GALNT18: variants seen among roughly 807,000 people sequenced by gnomAD.
GALNT18 encodes the protein polypeptide N-acetylgalactosaminyltransferase 18, also known as GalNAc-transferase 18.
A neutral mutation model predicts 69.5 loss-of-function variants in GALNT18; 44 were observed. That is an observed-to-expected ratio of 0.63 (90% CI 0.50 to 0.81). GALNT18 has a LOEUF of 0.81. Among genes scored for constraint, GALNT18 ranks in the 40% least tolerant of loss-of-function variants. GALNT18 has a pLI of 0.00. For synonymous variants in GALNT18, 364 were observed against 318.2 expected, an observed-to-expected ratio of 1.14 and a Z score of -1.53; for missense variants, 715 against 810.0, an observed-to-expected ratio of 0.88 and a Z score of 1.42.
At chr11:11,397,190 C>T (rs1321455431) in intron 3 of GALNT18, among the ~76,000 whole-genome samples, 1 of 152,166 alleles carries the variant, frequency 6.6e-6, no homozygotes, top group African/African-American at 2.4e-5. Context: ...CTATCACCCA[C>T]AAAGAATTGA....
chr11:11,554,475 T>C (rs1179616833), intron 1 of GALNT18, among the ~76,000 whole-genome samples: 2 of 150,796 alleles, frequency 1.3e-5, no homozygotes, highest in South Asian at 2.1e-4. Context: ...AAGTGTTACT[T>C]GAAAAAAAAA....
intron 7 of GALNT18, among the ~76,000 whole-genome samples, chr11:11,335,990 C>T (rs1306789303): frequency 6.6e-6 from 1 of 152,140 alleles, no homozygotes; most frequent in East Asian, 1.9e-4. Flanking sequence ...GTTACCATAG[C>T]CCTAGGAAAC....
chr11:11,342,985 G>A (rs1850237289), intron 6 of GALNT18, among the ~76,000 whole-genome samples: 1 of 152,190 alleles, frequency 6.6e-6, no homozygotes, highest in Non-Finnish European at 1.5e-5. Flanking sequence ...CTGAACAGCA[G>A]AATCTTTAGA....
Position 11,587,051 on chromosome 11 carries a change from T to C in GALNT18, c.235+34308A>G, listed in dbSNP as rs1859245356. 6.6e-6 allele frequency among the ~76,000 whole-genome samples: 1 copy of C among 152,092 alleles called. No homozygotes were observed. The highest frequency in any genetic ancestry group is 2.4e-5 in the African/African-American group (1 of 41,410). ...CCTCCCATTTTAGAAAAAGCTGCTT[T>C]CCCAAGTTACTTGAGAGATGCTTCC... On this transcript the variant is annotated intron_variant, in intron 1 of 10. Coordinates refer to ENST00000227756, the MANE Select transcript of GALNT18 (RefSeq NM_198516.3). This position sits in a 1 kb window ranked among gnomAD's most constrained non-coding sequence, Gnocchi z 4.4.
intron 6 of GALNT18, chr11:11,352,532 G>A (rs1398281183): frequency 6.2e-7 from 1 of 1,614,096 alleles, no homozygotes; most frequent in South Asian, 1.1e-5. Context: ...GACCTTTGAA[G>A]TATCGGGAAG....
chr11:11,448,275 G>C (rs1160094538), intron 2 of GALNT18, among the ~76,000 whole-genome samples: 5 of 152,180 alleles, frequency 3.3e-5, no homozygotes, highest in Non-Finnish European at 7.4e-5. Flanking sequence ...ATAATTGGGA[G>C]TAGTAAGAAT....
chr11:11,352,719 C>T (rs1043839458), intron 6 of GALNT18: 13 of 1,613,948 alleles, frequency 8.1e-6, no homozygotes, highest in East Asian at 2.2e-5. Context: ...CATGTAAAAT[C>T]GAATATCATA....
chr11:11,333,831 C>T (rs1850061766), intron 7 of GALNT18, among the ~76,000 whole-genome samples: 5 of 152,088 alleles, frequency 3.3e-5, no homozygotes, highest in Admixed American at 1.3e-4. Flanking sequence ...ACTAAGAATT[C>T]CTTGGCCTGC....
At chr11:11,490,314 T>C (rs975934732) in intron 1 of GALNT18, among the ~76,000 whole-genome samples, 1 of 150,954 alleles carries the variant, frequency 6.6e-6, no homozygotes, top group Non-Finnish European at 1.5e-5. Flanking sequence ...CCTTACCAGA[T>C]GTTGGCCCCT....
chr11:11,438,329 T>C (rs917357964), intron 2 of GALNT18, among the ~76,000 whole-genome samples: 2 of 152,176 alleles, frequency 1.3e-5, no homozygotes, highest in African/African-American at 2.4e-5. Flanking sequence ...TGTCCCTCCT[T>C]CTGGCTGGTA....
Position 11,619,708 on chromosome 11 carries a change from C to G in GALNT18, c.235+1651G>C, listed in dbSNP as rs546139296. 6.6e-6 allele frequency among the ~76,000 whole-genome samples: 1 copy of G among 152,240 alleles called. No individual in the cohort carries two copies. Among genetic ancestry groups the G allele is most frequent in the East Asian group, 1.9e-4 (1 of 5,186 alleles). ...TCTCCTGGGGAACATTCTGAATCAC[C>G]CTGGGGGAAACACTGTACTTCTATT... On this transcript the variant is annotated intron_variant, in intron 1 of 10. Transcript: ENST00000227756. The surrounding 1 kb of genome is among the most constrained non-coding windows in gnomAD (Gnocchi z 4.9).
intron 7 of GALNT18, among the ~76,000 whole-genome samples, chr11:11,335,794 G>T (rs1850100772): frequency 1.3e-5 from 2 of 152,154 alleles, no homozygotes. Context: ...TGAGACTAAG[G>T]TGATACATCC....
rs1320530142 is a variant in GALNT18, at chr11:11,605,772, G to A, written c.235+15587C>T. Among the ~76,000 whole-genome samples the A allele has an allele frequency of 6.6e-6, 1 of 152,066 alleles. No individual in the cohort carries two copies. Among genetic ancestry groups the A allele is most frequent in the African/African-American group, 2.4e-5 (1 of 41,412 alleles). On this transcript the variant is annotated intron_variant, in intron 1 of 10. Coordinates refer to ENST00000227756, the MANE Select transcript of GALNT18 (RefSeq NM_198516.3). The surrounding 1 kb of genome is among the most constrained non-coding windows in gnomAD (Gnocchi z 4.7). Reference sequence around the variant, plus strand: ...TTTTACCTTCTGCACCCACTAGATTGTTTTAGTTTGAAAGTGACCACAAGT... The same window carrying A: ...TTTTACCTTCTGCACCCACTAGATTATTTTAGTTTGAAAGTGACCACAAGT...
At chr11:11,485,929 G>C (rs1856634622) in intron 1 of GALNT18, among the ~76,000 whole-genome samples, 1 of 152,158 alleles carries the variant, frequency 6.6e-6, no homozygotes, top group African/African-American at 2.4e-5. Flanking sequence ...CTTCTCTAGG[G>C]AGGCCTATTG....
In GALNT18 at chr11:11,459,203, C is replaced by T. The variant is rs1235007654; in HGVS notation, c.236-10267G>A. Among the ~76,000 whole-genome samples the T allele has an allele frequency of 6.6e-6, 1 of 152,086 alleles. No individual in the cohort carries two copies. Among genetic ancestry groups the T allele is most frequent in the Non-Finnish European group, 1.5e-5 (1 of 68,022 alleles). On this transcript the variant is annotated intron_variant, in intron 1 of 10. Transcript: ENST00000227756. The surrounding 1 kb of genome is among the most constrained non-coding windows in gnomAD (Gnocchi z 5.0). ...CCCTTCTTCTCTGTTTCTAGAGTTG[C>T]ATTCAAACATGAGCCGAAGGTCTTT...
chr11:11,403,484 C>T lies in GALNT18; in HGVS notation c.596-24220G>A, dbSNP rs867301114. 1.6e-4 allele frequency among the ~76,000 whole-genome samples: 24 copies of T among 152,338 alleles called. 1 individual carries two copies. The highest frequency in any genetic ancestry group is 5.8e-4 in the African/African-American group (24 of 41,576). On this transcript the variant is annotated intron_variant, in intron 3 of 10. Transcript: ENST00000227756. ...AGCTGCTTTGGGCATCCCAAGTCTT[C>T]CCTTCTGGAAACTGAATACTGTACT...
At position 11,547,040 on chromosome 11, in the gene GALNT18, G is replaced by T. The variant is rs559009631; in HGVS notation, c.235+74319C>A. Reference sequence around the variant, plus strand: ...GCAGCTTGGCTACTACTTTTAAACTGATTAATATGAAGGATGAAAATAATA... The same window carrying T: ...GCAGCTTGGCTACTACTTTTAAACTTATTAATATGAAGGATGAAAATAATA... On this transcript the variant is annotated intron_variant, in intron 1 of 10. Transcript: ENST00000227756. Among the ~76,000 whole-genome samples, 9 of 152,154 alleles carry T rather than the reference G, an allele frequency of 5.9e-5. No individual in the cohort carries two copies. The East Asian group carries it at 1.7e-3, about 29-fold the overall frequency.
rs1298888608 is a variant in GALNT18 at position 11,596,789 on chromosome 11, A to G, written c.235+24570T>C. Reference sequence around the variant, plus strand: ...TAGGATACATGATTATGTCATCTGCAAACAGAGATAGTTTTACTTTCTTTA... The same window carrying G: ...TAGGATACATGATTATGTCATCTGCGAACAGAGATAGTTTTACTTTCTTTA... On this transcript the variant is annotated intron_variant, in intron 1 of 10. Coordinates refer to ENST00000227756, the MANE Select transcript of GALNT18 (RefSeq NM_198516.3). The surrounding 1 kb of genome is among the most constrained non-coding windows in gnomAD (Gnocchi z 4.2). Among the ~76,000 whole-genome samples the G allele has an allele frequency of 6.6e-6, 1 of 152,174 alleles. No individual in the cohort carries two copies. The highest frequency in any genetic ancestry group is 2.4e-5 in the African/African-American group (1 of 41,444).
chr11:11,435,203 G>A lies in GALNT18; in HGVS notation c.429-2416C>T, dbSNP rs1855371544. Among the ~76,000 whole-genome samples the A allele has an allele frequency of 6.6e-6, 1 of 152,172 alleles. No individual in the cohort carries two copies. Among genetic ancestry groups the A allele is most frequent in the Admixed American group, 6.5e-5 (1 of 15,284 alleles). On this transcript the variant is annotated intron_variant, in intron 2 of 10. Transcript: ENST00000227756. This position sits in a 1 kb window ranked among gnomAD's most constrained non-coding sequence, Gnocchi z 4.4. ...TCTGCACTGCGTTCCCAGAGCCTCA[G>A]TATCCAAATTTCCAGGGTGTTCAGA...
Sources: gnomAD v4.1 joint callset for allele counts (sites outside exome capture counted in the v4.1 genomes callset) on GRCh38, gnomAD v4.1.1 for gene constraint, Gnocchi (gnomAD v3.1) non-coding constraint, MANE v1.5 for transcripts, NCBI Gene and HGNC (gene_info 2026-07-23, HGNC 2026-07-21) for gene names.